Variants in MBOAT2 observed in about 807,000 individuals in gnomAD.
MBOAT2 encodes the protein membrane bound glycerophospholipid O-acyltransferase 2, also known as membrane-bound glycerophospholipid O-acyltransferase 2.
Under a neutral mutation model 63.4 loss-of-function variants are expected in MBOAT2, and 28 were observed. The observed-to-expected ratio is 0.44, with a 90% confidence interval of 0.33 to 0.61. The LOEUF (loss-of-function observed/expected upper bound fraction) is 0.61. MBOAT2 is among the 20% of genes least tolerant of loss of function. MBOAT2 has a pLI of 0.03. For synonymous variants in MBOAT2, 211 were observed against 215.6 expected (o/e 0.98, Z 0.19); for missense variants, 470 against 605.8 (o/e 0.78, Z 2.35).
intron 3 of MBOAT2, among the ~76,000 whole-genome samples, chr2:8,917,508 G>A (rs1219653547): frequency 6.6e-6 from 1 of 152,136 alleles, no homozygotes. Flanking sequence ...TTAATCATCA[G>A]AGAAATCTAA....
chr2:8,875,638 G>C (rs17631300), intron 7 of MBOAT2, among the ~76,000 whole-genome samples: 2,928 of 152,266 alleles, frequency 0.019, 47 homozygotes, highest in Non-Finnish European at 0.026. Context: ...CCAGCATCTT[G>C]ACTCCTAGGC....
At chr2:8,892,529 G>T (rs752870719) in intron 4 of MBOAT2, among the ~76,000 whole-genome samples, 19 of 152,152 alleles carry the variant, frequency 1.2e-4, no homozygotes, top group Non-Finnish European at 2.1e-4. Context: ...ATGTGCCAAA[G>T]ATACAATGTG....
intron 9 of MBOAT2, among the ~76,000 whole-genome samples, chr2:8,865,582 C>A (rs1304760486): frequency 1.3e-5 from 2 of 152,228 alleles, no homozygotes; most frequent in Non-Finnish European, 2.9e-5. Context: ...GTTTTACTCT[C>A]TCCATTTTAA....
intron 1 of MBOAT2, among the ~76,000 whole-genome samples, chr2:8,982,582 G>A (rs775956683): frequency 2.6e-5 from 4 of 152,130 alleles, no homozygotes; most frequent in Non-Finnish European, 4.4e-5. Flanking sequence ...ATGACACTGC[G>A]TACTGTTGCA....
intron 3 of MBOAT2, among the ~76,000 whole-genome samples, chr2:8,921,266 A>G (rs1466117483): frequency 6.6e-6 from 1 of 152,110 alleles, no homozygotes; most frequent in Non-Finnish European, 1.5e-5. Context: ...TTGCTCTAGG[A>G]ATTACTATGT....
At position 8,854,853 on chromosome 2, in the gene MBOAT2, T is replaced by C. The variant is rs1357848076; in HGVS notation, c.*3826A>G. ...TAAAATAAGGTGTAACTAAACTAAA[T>C]ATGCTTTAAATATCCTTGAATAACT... On this transcript the variant is annotated 3_prime_UTR_variant, in exon 13 of 13. Transcript: ENST00000305997. 6.6e-6 allele frequency: 1 copy of C among 152,222 alleles called. No homozygotes were observed. Among genetic ancestry groups the C allele is most frequent in the African/African-American group, 2.4e-5 (1 of 41,464 alleles). 9.4% of individuals were successfully genotyped at this position (152,222 alleles called of 1,614,324 possible).
chr2:8,961,137 T>C (rs1473409253), intron 1 of MBOAT2, among the ~76,000 whole-genome samples: 1 of 152,184 alleles, frequency 6.6e-6, no homozygotes, highest in African/African-American at 2.4e-5. Context: ...TGAGAAACTA[T>C]GAACCACTCA....
chr2:8,926,561 C>T (rs1381599447), intron 3 of MBOAT2, among the ~76,000 whole-genome samples: 2 of 152,144 alleles, frequency 1.3e-5, no homozygotes, highest in South Asian at 2.1e-4. Flanking sequence ...AGCATGTGTG[C>T]ACTACTACAA....
intron 1 of MBOAT2, 88 bp from the exon 2 acceptor site, chr2:8,958,730 C>CCA: frequency 7.8e-7 from 1 of 1,283,062 alleles, no homozygotes. Context: ...GACAAAAACA[C>CCA]CAAGGTTACA....
intron 1 of MBOAT2, among the ~76,000 whole-genome samples, chr2:8,988,902 AGGG>A (rs1671744574): frequency 6.6e-6 from 1 of 152,240 alleles, no homozygotes; most frequent in Non-Finnish European, 1.5e-5. Flanking sequence ...TGAAGAAAAA[AGGG>A]AAGTGTTAAA....
intron 3 of MBOAT2, among the ~76,000 whole-genome samples, chr2:8,909,482 T>C (rs190250577): frequency 8.0e-4 from 122 of 152,110 alleles, no homozygotes; most frequent in African/African-American, 2.2e-3. Context: ...GTACAACAAA[T>C]AGTAACTGTG....
chr2:8,915,877 C>T (rs1478071936), intron 3 of MBOAT2, among the ~76,000 whole-genome samples: 23 of 152,162 alleles, frequency 1.5e-4, no homozygotes, highest in Admixed American at 1.3e-4. Flanking sequence ...CTTCTGCATC[C>T]TGGTTCTCTC....
intron 3 of MBOAT2, among the ~76,000 whole-genome samples, chr2:8,939,275 T>C (rs919086293): frequency 6.6e-6 from 1 of 152,162 alleles, no homozygotes; most frequent in Non-Finnish European, 1.5e-5. Flanking sequence ...CACATCCATG[T>C]CCTGTGCCTG....
intron 3 of MBOAT2, among the ~76,000 whole-genome samples, chr2:8,934,314 A>AT (rs899752926): frequency 2.0e-5 from 3 of 152,008 alleles, no homozygotes; most frequent in South Asian, 2.1e-4. Context: ...TATTTAGAGT[A>AT]TTTTTTTTAA....
intron 12 of MBOAT2, 120 bp downstream of exon 12, chr2:8,860,493 A>G: frequency 1.0e-6 from 1 of 983,794 alleles, no homozygotes; most frequent in Non-Finnish European, 1.6e-6. Context: ...GTAACTGATA[A>G]TGCATTTATC....
intron 3 of MBOAT2, among the ~76,000 whole-genome samples, chr2:8,932,285 G>A (rs796104154): frequency 2.0e-5 from 3 of 152,092 alleles, no homozygotes; most frequent in Non-Finnish European, 4.4e-5. Flanking sequence ...AGCACTTACA[G>A]AAGGTTGAAC....
chr2:8,897,911 C>T (rs974926652), intron 4 of MBOAT2, among the ~76,000 whole-genome samples: 4 of 152,186 alleles, frequency 2.6e-5, no homozygotes, highest in African/African-American at 9.7e-5. Flanking sequence ...TGTCTGATAG[C>T]CATAAACTTC....
intron 7 of MBOAT2, among the ~76,000 whole-genome samples, chr2:8,873,994 TTA>T (rs1322766938): frequency 2.0e-5 from 3 of 152,168 alleles, no homozygotes; most frequent in Admixed American, 2.0e-4. Context: ...ATAAAAGAGA[TTA>T]TATAGGCTAG....
intron 1 of MBOAT2, among the ~76,000 whole-genome samples, chr2:8,970,810 A>G (rs1156310979): frequency 1.3e-5 from 2 of 152,242 alleles, no homozygotes; most frequent in African/African-American, 4.8e-5. Context: ...CACCCTCCCA[A>G]GACTAAACTA....
Sources: gnomAD v4.1 joint callset for allele counts (sites outside exome capture counted in the v4.1 genomes callset) on GRCh38, gnomAD v4.1.1 for gene constraint, MANE v1.5 for transcripts, NCBI Gene and HGNC (gene_info 2026-07-23, HGNC 2026-07-21) for gene names.